UPF3A: variants seen among roughly 807,000 people sequenced by gnomAD.
UPF3A encodes regulator of nonsense transcripts 3A.
Under a neutral mutation model 53.5 loss-of-function variants are expected in UPF3A, and 42 were observed. The observed-to-expected ratio is 0.78, with a 90% CI of 0.61 to 1.01. The LOEUF is 1.01. Among genes scored for constraint, UPF3A ranks in the 50% least tolerant of loss-of-function variants. UPF3A has a pLI of 0.00. For missense variants in UPF3A, 575 were observed against 598.0 expected (o/e 0.96, Z 0.40); for synonymous variants, 237 against 225.3 (o/e 1.05, Z -0.47).
chr13:114,289,654 G>C (rs74116876), intron 5 of UPF3A, among the ~76,000 whole-genome samples: 3,527 of 152,210 alleles, frequency 0.023, 144 homozygotes, highest in African/African-American at 0.081. Flanking sequence ...CTAATAAGCT[G>C]TTTCTGGCAA....
intron 7 of UPF3A, among the ~76,000 whole-genome samples, chr13:114,296,000 G>A (rs985218124): frequency 1.2e-4 from 18 of 152,228 alleles, no homozygotes; most frequent in East Asian, 1.9e-4. Flanking sequence ...CCTAGCCTCC[G>A]AGAGGGCAGA....
Position 114,291,467 on chromosome 13 carries a change from TA to T in UPF3A, c.632-21del, listed in dbSNP as rs780326254. 3.8e-6 allele frequency: 6 copies of T among 1,572,382 alleles called. No individual in the cohort carries two copies. The East Asian group carries it at 1.3e-4, about 35-fold the overall frequency. The stretch of plus-strand genomic sequence containing the variant: ...ATCTTTCTTTAGGAGTTAAATACAA[TA>T]TTACAATTTTTGTGTTTTAGCTAGA... On this transcript the variant is annotated intron_variant, in intron 5 of 9. Transcript: ENST00000375299.
At chr13:114,284,479 T>C (rs1298089146) in intron 3 of UPF3A, among the ~76,000 whole-genome samples, 1 of 144,606 alleles carries the variant, frequency 6.9e-6, no homozygotes, top group Non-Finnish European at 1.5e-5. Context: ...TGTAGATCAG[T>C]TGAGGTCAGG....
chr13:114,301,351 T>C (rs1175924304), intron 8 of UPF3A, among the ~76,000 whole-genome samples: 1 of 151,734 alleles, frequency 6.6e-6, no homozygotes, highest in East Asian at 1.9e-4. Flanking sequence ...TAGTCCCAGC[T>C]ACTCGGGAGG....
chr13:114,292,487 G>A (rs1221619438), intron 7 of UPF3A, among the ~76,000 whole-genome samples: 1 of 145,618 alleles, frequency 6.9e-6, no homozygotes, highest in Non-Finnish European at 1.5e-5. Context: ...GGCTCAAGGC[G>A]TACACGTGCA....
intron 8 of UPF3A, 149 bp from the exon 9 acceptor site, chr13:114,301,582 C>T (rs1157666052): frequency 6.2e-6 from 4 of 645,944 alleles, no homozygotes; most frequent in East Asian, 2.8e-5. Flanking sequence ...TCAACGCCTG[C>T]TGTGTGCCCA....
intron 5 of UPF3A, among the ~76,000 whole-genome samples, chr13:114,289,385 G>A (rs188392084): frequency 1.6e-4 from 24 of 152,112 alleles, no homozygotes; most frequent in Non-Finnish European, 2.4e-4. Flanking sequence ...TTAGCTGGGC[G>A]TGGTAGCATG....
Position 114,302,041 on chromosome 13 carries a change from A to G in UPF3A, c.1302+16A>G, listed in dbSNP as rs1594846111. Reference sequence around the variant, plus strand: ...GGCAAACAAGGTTTTTATTAAACCCAAAAAGAAAAATGTGTCTGGCTGTCT... The same window carrying G: ...GGCAAACAAGGTTTTTATTAAACCCGAAAAGAAAAATGTGTCTGGCTGTCT... On this transcript the variant is annotated intron_variant, in intron 9 of 9. Transcript: ENST00000375299. The G allele has an allele frequency of 2.0e-6, 3 of 1,506,598 alleles. No individual in the cohort carries two copies. Among genetic ancestry groups the G allele is most frequent in the South Asian group, 1.4e-5 (1 of 72,574 alleles). The allele number at this position is 1,506,598 out of a possible 1,614,324, so 93.3% of individuals were successfully genotyped here. A position where few individuals can be genotyped will look rare whatever the true frequency, so the allele number is the denominator to read the frequency against.
intron 7 of UPF3A, among the ~76,000 whole-genome samples, chr13:114,295,278 G>A (rs760217164): frequency 2.0e-4 from 30 of 152,310 alleles, no homozygotes; most frequent in Middle Eastern, 3.4e-3. Context: ...CTTGGCCTCC[G>A]GAAGCCTTGC....
chr13:114,292,934 G>A (rs552415239), intron 7 of UPF3A, among the ~76,000 whole-genome samples: 1 of 151,932 alleles, frequency 6.6e-6, no homozygotes, highest in Non-Finnish European at 1.5e-5. Flanking sequence ...TTAGCCAGGT[G>A]TGGTGGCGGA....
rs1014520051 is a variant in UPF3A, at chr13:114,281,677, C to T, written c.38C>T (p.Ala13Val). The T allele has an allele frequency of 2.6e-6, 4 of 1,529,690 alleles. No individual in the cohort carries two copies. Among genetic ancestry groups the T allele is most frequent in the South Asian group, 1.2e-5 (1 of 82,536 alleles). The allele number at this position is 1,529,690 out of a possible 1,614,324, so 94.8% of individuals were successfully genotyped here. A position where few individuals can be genotyped will look rare whatever the true frequency, so the allele number is the denominator to read the frequency against. ...AAGGAGGGGGCCGGAGGCCTTCGGG[C>T]GGCCGTTGCCGCGCGGGGCCCGAGC... Reference protein sequence around the residue: ...SEKEGAGGLRAAVAARGPSGR... With the variant: ...SEKEGAGGLRVAVAARGPSGR... Residue 13 changes from alanine (A) to valine (V), a missense_variant, in exon 1 of 10, where the codon GCG becomes GTG. By Grantham distance (64) the Ala-to-Val change is moderately conservative. Transcript: ENST00000375299.
intron 8 of UPF3A, among the ~76,000 whole-genome samples, chr13:114,300,535 A>AT (rs2086498519): frequency 7.6e-6 from 1 of 130,936 alleles, no homozygotes; most frequent in African/African-American, 3.6e-5. Flanking sequence ...TGCCTGGCTA[A>AT]TTTTTGTTTT....
intron 7 of UPF3A, among the ~76,000 whole-genome samples, chr13:114,294,209 A>G (rs1319943115): frequency 2.6e-5 from 4 of 151,712 alleles, no homozygotes; most frequent in Non-Finnish European, 5.9e-5. Context: ...AAGAAGGTGT[A>G]TCAACAGCTT....
intron 7 of UPF3A, among the ~76,000 whole-genome samples, chr13:114,294,496 T>C (rs1419557083): frequency 1.3e-5 from 2 of 152,150 alleles, no homozygotes; most frequent in East Asian, 3.9e-4. Context: ...ACTCCTGGGC[T>C]GAAGTGATCC....
At chr13:114,285,419 A>G (rs1375457361) in intron 3 of UPF3A, 2 of 152,212 alleles carry the variant, frequency 1.3e-5, no homozygotes, top group African/African-American at 2.4e-5. Flanking sequence ...TGACTTGGAC[A>G]TCGTCCCTGC....
intron 5 of UPF3A, among the ~76,000 whole-genome samples, chr13:114,290,663 C>G (rs2139222929): frequency 6.6e-6 from 1 of 152,114 alleles, no homozygotes; most frequent in Non-Finnish European, 1.5e-5. Flanking sequence ...TGTTCATTCC[C>G]TAGTAGTTGG....
At chr13:114,282,970 A>G (rs745323384) in intron 3 of UPF3A, 27 bp downstream of exon 3, 13 of 1,476,612 alleles carry the variant, frequency 8.8e-6, no homozygotes, top group African/African-American at 1.4e-5. Flanking sequence ...TTAAAAATCT[A>G]TTATAATCTG....
At chr13:114,282,295 T>TA in intron 2 of UPF3A, 168 bp downstream of exon 2, 1 of 837,212 alleles carries the variant, frequency 1.2e-6, no homozygotes, top group Non-Finnish European at 1.8e-6. Context: ...CAAAGAAAAA[T>TA]ACCACCAACA....
rs1232585759 is a variant in UPF3A at position 114,295,024 on chromosome 13, A to G, written c.846+3232A>G. Among the ~76,000 whole-genome samples the G allele has an allele frequency of 2.7e-5, 4 of 150,830 alleles. 1 individual carries two copies. Among genetic ancestry groups the G allele is most frequent in the African/African-American group, 9.8e-5 (4 of 40,834 alleles). ...CTACTTGGAAGGCTGAGGCAGGAGA[A>G]TGGCATGAACCCGGGAGGCGGAGCT... On this transcript the variant is annotated intron_variant, in intron 7 of 9. Transcript: ENST00000375299.
Sources: gnomAD v4.1 joint callset for allele counts (sites outside exome capture counted in the v4.1 genomes callset) on GRCh38, gnomAD v4.1.1 for gene constraint, MANE v1.5 for transcripts, NCBI Gene and HGNC (gene_info 2026-07-23, HGNC 2026-07-21) for gene names.